Variants in B4GALNT3 observed in about 807,000 individuals in gnomAD.
B4GALNT3 encodes beta-1,4-N-acetyl-galactosaminyltransferase 3.
Under a neutral mutation model 120.2 loss-of-function variants are expected in B4GALNT3, and 86 were observed. The observed-to-expected ratio is 0.72, with a 90% CI of 0.60 to 0.86. B4GALNT3 has a LOEUF of 0.86. Among genes scored for constraint, B4GALNT3 ranks in the 40% least tolerant of loss-of-function variants. The pLI, the probability that B4GALNT3 is intolerant of heterozygous loss-of-function variation, is 0.00. For missense variants in B4GALNT3, 1,167 were observed against 1,298.9 expected, an observed-to-expected ratio of 0.90 and a Z score of 1.56; for synonymous variants, 518 against 510.4, an observed-to-expected ratio of 1.01 and a Z score of -0.20.
chr12:525,100 T>TTATTTATGTATTTATG (rs1256709906), intron 1 of B4GALNT3, among the ~76,000 whole-genome samples: 3 of 151,790 alleles, frequency 2.0e-5, no homozygotes, highest in South Asian at 2.1e-4. Flanking sequence ...ATTTATTTAT[T>TTATTTATGTATTTATG]TATTTATTTA....
chr12:558,100 G>A lies in B4GALNT3; in HGVS notation c.2607+12G>A, dbSNP rs1947180596. The A allele has an allele frequency of 1.1e-5, 17 of 1,613,226 alleles. No homozygotes were observed. The highest frequency in any genetic ancestry group is 1.4e-5 in the Non-Finnish European group (16 of 1,179,462). Reference sequence around the variant, plus strand: ...TAGACCTCGTGAAGGTAAAGGGCCTGGATGGGGCCTGCGAGATGGAATTCA... The same window carrying A: ...TAGACCTCGTGAAGGTAAAGGGCCTAGATGGGGCCTGCGAGATGGAATTCA... On this transcript the variant is annotated intron_variant, in intron 17 of 19. Coordinates refer to ENST00000266383, the MANE Select transcript of B4GALNT3 (RefSeq NM_173593.4).
chr12:544,791 A>G (rs1008586), intron 4 of B4GALNT3, 91 bp from the exon 5 acceptor site: 180,040 of 1,284,932 alleles, frequency 0.14, 13,961 homozygotes, highest in Non-Finnish European at 0.16. Flanking sequence ...CCCTCCTGTC[A>G]TAGTCCCCTC....
rs774463744 is a variant in B4GALNT3 at position 544,345 on chromosome 12, G to T, written c.358G>T (p.Gly120Cys). The change falls in exon 4 of 20, where the codon GGC becomes TGC. Residue 120 changes from glycine (G) to cysteine (C), a missense_variant. Physicochemically the swap from Gly to Cys is radical, Grantham distance 159. Coordinates refer to ENST00000266383, the MANE Select transcript of B4GALNT3 (RefSeq NM_173593.4). Reference sequence around the variant, plus strand: ...TGGCGTCTCCGCCCTGCAGTTCCGGGGCCGTGCCAACCTGCATGTGTTTGA... The same window carrying T: ...TGGCGTCTCCGCCCTGCAGTTCCGGTGCCGTGCCAACCTGCATGTGTTTGA... ...KPVPWLSEFR[G>C]RANLHVFEDW... is the part of the protein sequence containing the mutation. The T allele has an allele frequency of 6.2e-7, 1 of 1,613,468 alleles. No homozygotes were observed. Among genetic ancestry groups the T allele is most frequent in the East Asian group, 2.2e-5 (1 of 44,880 alleles).
At chr12:508,463 A>G (rs1946518138) in intron 1 of B4GALNT3, among the ~76,000 whole-genome samples, 1 of 152,222 alleles carries the variant, frequency 6.6e-6, no homozygotes, top group African/African-American at 2.4e-5. Flanking sequence ...AAAATTTGTT[A>G]TAGAGATAGG....
At chr12:512,514 CCACCTTCGACCTT>C (rs1946596068) in intron 1 of B4GALNT3, among the ~76,000 whole-genome samples, 1 of 146,880 alleles carries the variant, frequency 6.8e-6, no homozygotes, top group South Asian at 2.3e-4. Context: ...CTTCTGCCTT[CCACCTTCGACCTT>C]CTTCCACCTT....
At chr12:465,635 G>A (rs1383597769) in intron 1 of B4GALNT3, among the ~76,000 whole-genome samples, 1 of 152,054 alleles carries the variant, frequency 6.6e-6, no homozygotes, top group Non-Finnish European at 1.5e-5. Flanking sequence ...TGGTCTCTCA[G>A]TCCCTGTGCT....
intron 13 of B4GALNT3, 170 bp from the exon 14 acceptor site, chr12:553,024 T>C (rs1947102685): frequency 1.1e-6 from 1 of 884,386 alleles, no homozygotes; most frequent in Non-Finnish European, 1.7e-6. Context: ...CTGGGGTTAA[T>C]TGAGGTTGAG....
intron 19 of B4GALNT3, among the ~76,000 whole-genome samples, chr12:560,156 C>G (rs1238533247): frequency 6.6e-6 from 1 of 152,142 alleles, no homozygotes; most frequent in Non-Finnish European, 1.5e-5. Context: ...GCCTTGAGAT[C>G]TGAGCCTATG....
At chr12:472,588 C>G (rs1946147201) in intron 1 of B4GALNT3, among the ~76,000 whole-genome samples, 1 of 152,252 alleles carries the variant, frequency 6.6e-6, no homozygotes, top group Admixed American at 6.5e-5. Flanking sequence ...CAGGTGCCCG[C>G]CACCACGCCT....
intron 1 of B4GALNT3, among the ~76,000 whole-genome samples, chr12:485,003 G>A (rs752365588): frequency 1.3e-5 from 2 of 152,060 alleles, no homozygotes; most frequent in Non-Finnish European, 2.9e-5. Flanking sequence ...TGGTGTTCTC[G>A]CATAGACAAA....
rs1010043181 is a variant in B4GALNT3, at chr12:561,546, C to T, written c.*95C>T. 9 of 994,752 alleles carry T rather than the reference C, an allele frequency of 9.0e-6. No homozygotes were observed. The highest frequency in any genetic ancestry group is 4.5e-5 in the Admixed American group (2 of 44,660). 61.6% of individuals were successfully genotyped at this position (994,752 alleles called of 1,614,324 possible). On this transcript the variant is annotated 3_prime_UTR_variant, in exon 20 of 20. Transcript: ENST00000266383. ...TGTTCAGGGATGGGGAGTGGGGTGA[C>T]GGCTGGACCCCAAGAGGCCTCGAAG...
intron 1 of B4GALNT3, among the ~76,000 whole-genome samples, chr12:496,419 G>T (rs1298288669): frequency 1.3e-5 from 2 of 152,098 alleles, no homozygotes; most frequent in Non-Finnish European, 2.9e-5. Flanking sequence ...GGCCAACATG[G>T]TGAAACCCCG....
At chr12:545,810 G>A (rs1247056474) in intron 6 of B4GALNT3, among the ~76,000 whole-genome samples, 3 of 101,674 alleles carry the variant, frequency 3.0e-5, no homozygotes, top group Admixed American at 1.0e-4. Flanking sequence ...GGAGCGAGGA[G>A]TGGGGAGGAG....
intron 1 of B4GALNT3, among the ~76,000 whole-genome samples, chr12:523,276 C>G (rs139853475): frequency 6.6e-6 from 1 of 152,288 alleles, no homozygotes; most frequent in African/African-American, 2.4e-5. Context: ...ACTAAACCCT[C>G]CTTGTCCTTC....
intron 13 of B4GALNT3, 144 bp downstream of exon 13, chr12:552,672 A>T: frequency 2.8e-6 from 2 of 706,112 alleles, no homozygotes; most frequent in Non-Finnish European, 4.8e-6. Context: ...CACCCAAGGG[A>T]GTGGAGAGCA....
chr12:558,714 T>G lies in B4GALNT3; in HGVS notation c.2761+53T>G, dbSNP rs918447489. 2.5e-6 allele frequency: 4 copies of G among 1,581,494 alleles called. No individual in the cohort carries two copies. In the African/African-American group the frequency reaches 4.0e-5, roughly 16 times the overall value. ...GGAAAGACTTCTCTGATCTTGGCTC[T>G]TAACTCCAGAGCTGGGAACAGTCAT... is the stretch of plus-strand genomic sequence containing the variant. On this transcript the variant is annotated intron_variant, in intron 18 of 19. Transcript: ENST00000266383.
intron 1 of B4GALNT3, among the ~76,000 whole-genome samples, chr12:511,671 C>G (rs1468805473): frequency 6.8e-6 from 1 of 146,278 alleles, no homozygotes; most frequent in African/African-American, 2.5e-5. Flanking sequence ...TTCCACCTTC[C>G]GCCTTCCGCC....
chr12:493,871 G>A (rs1187917843), intron 1 of B4GALNT3, among the ~76,000 whole-genome samples: 5 of 152,212 alleles, frequency 3.3e-5, no homozygotes, highest in Non-Finnish European at 4.4e-5. Context: ...CCAATCAGCA[G>A]TAGAGTCCGT....
intron 1 of B4GALNT3, among the ~76,000 whole-genome samples, chr12:482,194 C>T (rs1320931991): frequency 6.6e-6 from 1 of 152,202 alleles, no homozygotes; most frequent in Non-Finnish European, 1.5e-5. Flanking sequence ...GATTCTGCTG[C>T]TCCAAGCACT....
Sources: allele counts gnomAD v4.1 joint callset (sites outside exome capture counted in the v4.1 genomes callset), GRCh38; gene constraint gnomAD v4.1.1; transcripts MANE v1.5; gene names NCBI Gene and HGNC (gene_info 2026-07-23, HGNC 2026-07-21).